The following LDLRAD3 variants were observed in gnomAD, a reference collection of about 807,000 sequenced individuals.
LDLRAD3 encodes the protein low-density lipoprotein receptor class A domain-containing protein 3.
A neutral mutation model predicts 29.4 loss-of-function variants in LDLRAD3; 20 were observed. That is an observed-to-expected ratio of 0.68 (90% CI 0.48 to 0.99). LDLRAD3 has a LOEUF of 0.99. LDLRAD3 is among the 50% of genes least tolerant of loss of function. LDLRAD3 has a pLI of 0.00. For synonymous variants in LDLRAD3, 157 were observed against 192.7 expected, an observed-to-expected ratio of 0.81 and a Z score of 1.53; for missense variants, 420 against 454.3, an observed-to-expected ratio of 0.92 and a Z score of 0.69.
chr11:35,978,489 A>C (rs1851502048), intron 1 of LDLRAD3, among the ~76,000 whole-genome samples: 1 of 152,116 alleles, frequency 6.6e-6, no homozygotes, highest in Non-Finnish European at 1.5e-5. Context: ...TTGATGTACT[A>C]AACTCCTTGA....
At chr11:36,168,366 A>T (rs1232131316) in intron 4 of LDLRAD3, among the ~76,000 whole-genome samples, 1 of 152,190 alleles carries the variant, frequency 6.6e-6, no homozygotes, top group Non-Finnish European at 1.5e-5. Context: ...AGGAGAATCA[A>T]TACGGGGTGA....
At position 36,036,178 on chromosome 11, in the gene LDLRAD3, G is replaced by A. The variant is rs1393307445; in HGVS notation, c.122G>A (p.Arg41Gln). 27 of 1,614,030 alleles carry A rather than the reference G, an allele frequency of 1.7e-5. No homozygotes were observed. Among genetic ancestry groups the A allele is most frequent in the South Asian group, 1.2e-4 (11 of 91,076 alleles). Residue 41 changes from arginine (R) to glutamine (Q), a missense_variant, in exon 2 of 6, where the codon CGG becomes CAG. Coordinates refer to ENST00000315571, the MANE Select transcript of LDLRAD3 (RefSeq NM_174902.4). The stretch of plus-strand genomic sequence containing the variant: ...GGCAACTTCATGTGCAGCAATGGAC[G>A]GTGCATCCCGGGCGCCTGGCAGTGT... ...IPGNFMCSNG[R>Q]CIPGAWQCDG...
At chr11:36,181,062 A>G (rs1024785909) in intron 4 of LDLRAD3, among the ~76,000 whole-genome samples, 2 of 152,086 alleles carry the variant, frequency 1.3e-5, no homozygotes, top group African/African-American at 4.8e-5. Context: ...GATCTCGGGC[A>G]GAGATTGGTG....
intron 4 of LDLRAD3, among the ~76,000 whole-genome samples, chr11:36,113,698 G>T: frequency 7.5e-6 from 1 of 133,058 alleles, no homozygotes; most frequent in African/African-American, 3.0e-5. Flanking sequence ...TTTTGAGACA[G>T]AGTCTTGCTC....
chr11:36,060,970 C>T (rs1852689545), intron 2 of LDLRAD3, among the ~76,000 whole-genome samples: 1 of 152,142 alleles, frequency 6.6e-6, no homozygotes, highest in Non-Finnish European at 1.5e-5. Flanking sequence ...GACAGGTTAC[C>T]TAACCACTGT....
chr11:36,118,785 C>T (rs1421860768), intron 4 of LDLRAD3, among the ~76,000 whole-genome samples: 1 of 152,070 alleles, frequency 6.6e-6, no homozygotes, highest in Non-Finnish European at 1.5e-5. Flanking sequence ...AATTTTGGAA[C>T]ATTTTAATTA....
At chr11:36,084,332 C>T (rs1375221021) in intron 3 of LDLRAD3, among the ~76,000 whole-genome samples, 1 of 152,154 alleles carries the variant, frequency 6.6e-6, no homozygotes, top group Non-Finnish European at 1.5e-5. Context: ...AATAGTGGTT[C>T]TGAAGCCGGG....
chr11:35,976,360 G>A (rs942335479), intron 1 of LDLRAD3, among the ~76,000 whole-genome samples: 4 of 152,116 alleles, frequency 2.6e-5, no homozygotes, highest in African/African-American at 9.7e-5. Context: ...TCATATCTTG[G>A]TGGGAAAGGA....
At chr11:36,148,874 A>G (rs1854235078) in intron 4 of LDLRAD3, among the ~76,000 whole-genome samples, 1 of 152,210 alleles carries the variant, frequency 6.6e-6, no homozygotes, top group African/African-American at 2.4e-5. Flanking sequence ...TTGAAGTAAC[A>G]TTTCAGTTTG....
intron 4 of LDLRAD3, among the ~76,000 whole-genome samples, chr11:36,203,001 G>A (rs1442519348): frequency 2.6e-5 from 4 of 151,860 alleles, no homozygotes; most frequent in African/African-American, 4.8e-5. Context: ...CAATGGTGCC[G>A]TCATAGCACA....
At chr11:36,212,317 C>T (rs1239806334) in intron 4 of LDLRAD3, among the ~76,000 whole-genome samples, 3 of 152,164 alleles carry the variant, frequency 2.0e-5, no homozygotes, top group African/African-American at 7.2e-5. Flanking sequence ...TCATTGGCTT[C>T]TGCTGCTTTT....
At chr11:35,952,585 G>A (rs1851151251) in intron 1 of LDLRAD3, among the ~76,000 whole-genome samples, 1 of 152,140 alleles carries the variant, frequency 6.6e-6, no homozygotes, top group African/African-American at 2.4e-5. Context: ...CATGACACTT[G>A]CCTTTGAATA....
chr11:36,031,235 G>T (rs1333005144), intron 1 of LDLRAD3, among the ~76,000 whole-genome samples: 2 of 152,202 alleles, frequency 1.3e-5, no homozygotes, highest in Admixed American at 6.5e-5. Context: ...GCTAATGCTT[G>T]TCTTTTTTGG....
chr11:36,219,643 C>T (rs1266553295), intron 4 of LDLRAD3, among the ~76,000 whole-genome samples: 1 of 152,128 alleles, frequency 6.6e-6, no homozygotes, highest in Non-Finnish European at 1.5e-5. Flanking sequence ...GCACCATAAA[C>T]AAAAATTAAT....
Position 36,229,379 on chromosome 11 carries a change from G to C in LDLRAD3, c.1020G>C (p.Gln340His). 1 of 1,611,810 alleles carries C rather than the reference G, an allele frequency of 6.2e-7. No homozygotes were observed. The highest frequency in any genetic ancestry group is 1.3e-5 in the African/African-American group (1 of 75,026). The stretch of plus-strand genomic sequence containing the variant: ...AGCCCAGGGACTCTGAGCCCAGCCA[G>C]GGCACTGAAGAAGTATAAGTCCCAG... ...TAEPRDSEPS[Q>H]GTEEV The change falls in exon 6 of 6, where the codon CAG (glutamine) becomes CAC (histidine). Residue 340 changes from glutamine (Q) to histidine (H), a missense_variant. This residue lies in a region of LDLRAD3 where 140 missense variants were observed against 139.9 expected (regional missense o/e 1.00). Transcript: ENST00000315571.
chr11:36,129,523 AC>A (rs1853893852), intron 4 of LDLRAD3, among the ~76,000 whole-genome samples: 1 of 151,904 alleles, frequency 6.6e-6, no homozygotes, highest in South Asian at 2.1e-4. Context: ...CCTTGCTGGG[AC>A]CCCAAGGGAT....
At chr11:36,020,117 T>G (rs1488933716) in intron 1 of LDLRAD3, among the ~76,000 whole-genome samples, 1 of 152,150 alleles carries the variant, frequency 6.6e-6, no homozygotes, top group African/African-American at 2.4e-5. Context: ...CCTGCCAAAG[T>G]TGCAGTATGA....
At chr11:36,092,185 T>C (rs1853292906) in intron 3 of LDLRAD3, among the ~76,000 whole-genome samples, 1 of 152,234 alleles carries the variant, frequency 6.6e-6, no homozygotes, top group Admixed American at 6.5e-5. Flanking sequence ...TTAGGAACAT[T>C]AATTTTTAGA....
chr11:36,064,122 A>G (rs1309958796), intron 2 of LDLRAD3, among the ~76,000 whole-genome samples: 1 of 152,126 alleles, frequency 6.6e-6, no homozygotes, highest in African/African-American at 2.4e-5. Flanking sequence ...CAAGTCTTAC[A>G]CTTCTTTTGT....
Sources: gnomAD v4.1 joint callset for allele counts (sites outside exome capture counted in the v4.1 genomes callset) on GRCh38, gnomAD v4.1.1 for gene constraint, gnomAD v4.1.1 regional missense constraint, MANE v1.5 for transcripts, NCBI Gene and HGNC (gene_info 2026-07-23, HGNC 2026-07-21) for gene names.